SLC25A22: variants seen among roughly 807,000 people sequenced by gnomAD.
The protein encoded by SLC25A22 is solute carrier family 25 member 22, also known as mitochondrial glutamate carrier 1.
A neutral mutation model predicts 33.7 loss-of-function variants in SLC25A22; 23 were observed. That is an observed-to-expected ratio of 0.68 (90% CI 0.49 to 0.97). The LOEUF is 0.97. Among genes scored for constraint, SLC25A22 ranks in the 50% least tolerant of loss-of-function variants. The pLI, the probability that SLC25A22 is intolerant of heterozygous loss-of-function variation, is 0.00. For missense variants in SLC25A22, 390 were observed against 451.1 expected, an observed-to-expected ratio of 0.86 and a Z score of 1.23; for synonymous variants, 245 against 203.8, an observed-to-expected ratio of 1.20 and a Z score of -1.72.
At chr11:793,674 C>T (rs1270688461) in intron 4 of SLC25A22, 55 bp from the exon 5 acceptor site, 21 of 1,318,750 alleles carry the variant, frequency 1.6e-5, no homozygotes, top group Middle Eastern at 1.9e-4. Flanking sequence ...AGTGGGGAGG[C>T]GCTTGGCCAG....
Position 792,308 on chromosome 11 carries a change from A to G in SLC25A22, c.738T>C (p.Cys246=). The change falls in exon 8 of 10, where the codon TGT becomes TGC. Residue 246 remains cysteine (C), a synonymous_variant. Transcript: ENST00000628067. ...GSAAAVAVNP[C]DVVKTRLQSL... The stretch of plus-strand genomic sequence containing the variant: ...GGCGCCATCCCATGCACTGACCATC[A>G]CAGGGGTTGACGGCCACAGCGGCGG... 6.2e-7 allele frequency: 1 copy of G among 1,613,172 alleles called. No homozygotes were observed. Among genetic ancestry groups the G allele is most frequent in the South Asian group, 1.1e-5 (1 of 91,086 alleles).
chr11:797,508 G>C (rs911060986), intron 1 of SLC25A22: 1 of 397,572 alleles, frequency 2.5e-6, no homozygotes, highest in Non-Finnish European at 4.4e-6. Context: ...AGGCAAGCCA[G>C]GGAGACAGCA....
rs116134953 is a variant in SLC25A22, at chr11:794,509, C to T, written c.151G>A (p.Asp51Asn). Residue 51 changes from aspartate (D) to asparagine (N), a missense_variant, in exon 4 of 10, where the codon GAC becomes AAC. By Grantham distance (23) the Asp-to-Asn change is conservative (BLOSUM62 1). Transcript: ENST00000628067. The stretch of plus-strand genomic sequence containing the variant: ...GAGCGGACGGTCTTGATGAGGCAGT[C>T]GGACCTGTGGCCAAGGGGACAGGGT... ...NGQRVYTSMS[D>N]CLIKTVRSEG... The T allele has an allele frequency of 4.1e-4, 666 of 1,612,414 alleles. 1 individual carries two copies. The African/African-American group carries it at 7.3e-3, about 18-fold the overall frequency.
chr11:794,272 G>T, intron 4 of SLC25A22, 186 bp downstream of exon 4: 1 of 758,846 alleles, frequency 1.3e-6, no homozygotes, highest in Non-Finnish European at 2.3e-6. Context: ...CACGGGAGAG[G>T]CTGAGAACTA....
At position 791,317 on chromosome 11, in the gene SLC25A22, G is replaced by C. The variant is rs1864507099; in HGVS notation, c.*598C>G. The C allele has an allele frequency of 6.1e-6, 1 of 165,238 alleles. No homozygotes were observed. The highest frequency in any genetic ancestry group is 1.7e-4 in the South Asian group (1 of 5,822). The allele number at this position is 165,238 out of a possible 1,614,324, so 10.2% of individuals were successfully genotyped here. A position where few individuals can be genotyped will look rare whatever the true frequency, so the allele number is the denominator to read the frequency against. The stretch of plus-strand genomic sequence containing the variant: ...AAGTCCCACAGTGGGTGGCGGGCTT[G>C]CCCCAAGAGTCAGACCTCAGGGCAA... On this transcript the variant is annotated 3_prime_UTR_variant, in exon 10 of 10. Coordinates refer to ENST00000628067, the MANE Select transcript of SLC25A22 (RefSeq NM_001191061.2).
At chr11:796,332 C>T (rs1458345573) in intron 1 of SLC25A22, 2 of 152,056 alleles carry the variant, frequency 1.3e-5, no homozygotes, top group East Asian at 1.9e-4. Context: ...GGGGCACTTT[C>T]TCTTTCACTT....
chr11:796,263 GA>G (rs1484437635), intron 1 of SLC25A22: 1 of 151,738 alleles, frequency 6.6e-6, no homozygotes, highest in Non-Finnish European at 1.5e-5. Context: ...GCTGCCGGGG[GA>G]GGAGGCGAGG....
Position 795,173 on chromosome 11 carries a change from G to T in SLC25A22, c.-163-4C>A. The stretch of plus-strand genomic sequence containing the variant: ...GTCAGCAACCGCCACTTCTGTCCTA[G>T]AAGGATGAGGGAATGGGAATGAGTG... On this transcript the variant is annotated splice_polypyrimidine_tract_variant and splice_region_variant and intron_variant, in intron 1 of 9. Transcript: ENST00000628067. 1.2e-6 allele frequency: 1 copy of T among 818,614 alleles called. No homozygotes were observed. The highest frequency in any genetic ancestry group is 2.0e-6 in the Non-Finnish European group (1 of 495,322). 50.7% of individuals were successfully genotyped at this position (818,614 alleles called of 1,614,324 possible).
rs1864546889 is a variant in SLC25A22 at position 792,007 on chromosome 11, C to G, written c.880G>C (p.Val294Leu). 4.4e-6 allele frequency: 7 copies of G among 1,608,082 alleles called. No individual in the cohort carries two copies. Among genetic ancestry groups the G allele is most frequent in the Non-Finnish European group, 5.9e-6 (7 of 1,178,054 alleles). The change falls in exon 10 of 10, where the codon GTC (valine) becomes CTC (leucine). Residue 294 changes from valine to leucine, a missense_variant. Transcript: ENST00000628067. The part of the protein sequence containing the change: ...FLKGAYCRAL[V>L]IAPLFGIAQV... Reference sequence around the variant, plus strand: ...GCGATGCCGAAAAGGGGCGCGATGACCAGCGCGCGGCAGTAGGCGCCCTTC... The same window carrying G: ...GCGATGCCGAAAAGGGGCGCGATGAGCAGCGCGCGGCAGTAGGCGCCCTTC...
In SLC25A22 at chr11:792,696, G is replaced by T; in HGVS notation, c.444C>A (p.Gly148=). The T allele has an allele frequency of 1.3e-6, 2 of 1,551,528 alleles. No individual in the cohort carries two copies. The highest frequency in any genetic ancestry group is 2.3e-5 in the South Asian group (2 of 85,898). Residue 148 remains glycine (G), a synonymous_variant, in exon 7 of 10, where the codon GGC becomes GGA. Coordinates refer to ENST00000628067, the MANE Select transcript of SLC25A22 (RefSeq NM_001191061.2). The stretch of plus-strand genomic sequence containing the variant: ...GGGCACCCCCCTGGGCCGAGAGCTG[G>T]CCCTGGGCAGCCAGGATCTTCCTCT... ...AAQRKILAAQ[G]QLSAQGGAQP... is the part of the protein sequence containing the mutation.
rs769990082 is a variant in SLC25A22 at position 792,679 on chromosome 11, C to G, written c.461G>C (p.Gly154Ala). ...LAAQGQLSAQ[G>A]GAQPSVEAPA... is the part of the protein sequence containing the mutation. ...AGCCTCCACTGAGGGCTGGGCACCC[C>G]CCTGGGCCGAGAGCTGGCCCTGGGC... The change falls in exon 7 of 10, where the codon GGG becomes GCG. Residue 154 changes from glycine to alanine, a missense_variant. Coordinates refer to ENST00000628067, the MANE Select transcript of SLC25A22 (RefSeq NM_001191061.2). 9.0e-6 allele frequency: 14 copies of G among 1,559,432 alleles called. No individual in the cohort carries two copies. The highest frequency in any genetic ancestry group is 1.2e-5 in the Non-Finnish European group (14 of 1,155,486).
rs1864570695 is a variant in SLC25A22, at chr11:792,372, A to C, written c.674T>G (p.Phe225Cys). The C allele has an allele frequency of 1.2e-6, 2 of 1,613,218 alleles. No homozygotes were observed. Among genetic ancestry groups the C allele is most frequent in the South Asian group, 2.2e-5 (2 of 91,092 alleles). Residue 225 changes from phenylalanine (F) to cysteine (C), a missense_variant, in exon 8 of 10, where the codon TTC becomes TGC. Phe to Cys is a radical substitution (Grantham distance 205, BLOSUM62 -2). Coordinates refer to ENST00000628067, the MANE Select transcript of SLC25A22 (RefSeq NM_001191061.2). ...ACAGCCGGCCAGGAAGGACACGTAG[A>C]AAGGCGACTTCTCCTCGGACGCCGG... The part of the protein sequence containing the change: ...GRPASEEKSP[F>C]YVSFLAGCVA...
rs1864648097 is a variant in SLC25A22, at chr11:793,612, A to C, written c.210T>G (p.Ala70=). Residue 70 remains alanine, a synonymous_variant, in exon 5 of 10, where the codon GCT becomes GCG. Transcript: ENST00000628067. ...CGGGGGTGACGAGGGTCAAGTTCAC[A>C]GCAGCTCCTGTGGGGCAGGGGGTCA... ...EGYFGMYRGA[A]VNLTLVTPEK... 1.2e-6 allele frequency: 2 copies of C among 1,608,884 alleles called. No individual in the cohort carries two copies. The highest frequency in any genetic ancestry group is 3.3e-5 in the Admixed American group (2 of 60,008).
At chr11:793,842 C>T (rs1003961442) in intron 4 of SLC25A22, 2 of 595,230 alleles carry the variant, frequency 3.4e-6, no homozygotes, top group Non-Finnish European at 6.0e-6. Flanking sequence ...ACTGCAGCTC[C>T]ATCTGTCTCT....
At position 791,957 on chromosome 11, in the gene SLC25A22, G is replaced by C. The variant is rs765908991; in HGVS notation, c.930C>G (p.Ile310Met). The part of the protein sequence containing the change: ...GIAQVVYFLG[I>M]AESLLGLLQD... Reference sequence around the variant, plus strand: ...GCAGCAGCCCCAGCAGGGACTCCGCGATGCCCAGGAAGTAGACCACCTGTG... The same window carrying C: ...GCAGCAGCCCCAGCAGGGACTCCGCCATGCCCAGGAAGTAGACCACCTGTG... Residue 310 changes from isoleucine (I) to methionine (M), a missense_variant, in exon 10 of 10, where the codon ATC (isoleucine) becomes ATG (methionine). Transcript: ENST00000628067. The C allele has an allele frequency of 6.2e-7, 1 of 1,606,182 alleles. No individual in the cohort carries two copies.
chr11:791,802 T>C lies in SLC25A22; in HGVS notation c.*113A>G. On this transcript the variant is annotated 3_prime_UTR_variant, in exon 10 of 10. Transcript: ENST00000628067. Reference sequence around the variant, plus strand: ...CCTGCACCCTGCCCCCTGCTGCCCCTGCCGACGGGAGGGCTGGGGAGGGGT... The same window carrying C: ...CCTGCACCCTGCCCCCTGCTGCCCCCGCCGACGGGAGGGCTGGGGAGGGGT... 7.1e-7 allele frequency: 1 copy of C among 1,411,286 alleles called. No individual in the cohort carries two copies. Among genetic ancestry groups the C allele is most frequent in the Non-Finnish European group, 9.4e-7 (1 of 1,066,292 alleles). The allele number at this position is 1,411,286 out of a possible 1,614,324, so 87.4% of individuals were successfully genotyped here.
chr11:795,035 G>C lies in SLC25A22; in HGVS notation c.-29C>G, dbSNP rs776639940. Reference sequence around the variant, plus strand: ...ACTCGATTGCACCCAGGTAGGAGCCGCAGAGGTGGACGCCAGGCCAGGCGG... The same window carrying C: ...ACTCGATTGCACCCAGGTAGGAGCCCCAGAGGTGGACGCCAGGCCAGGCGG... On this transcript the variant is annotated 5_prime_UTR_variant, in exon 2 of 10. Transcript: ENST00000628067. 6 of 1,552,472 alleles carry C rather than the reference G, an allele frequency of 3.9e-6. No homozygotes were observed. The highest frequency in any genetic ancestry group is 5.2e-6 in the Non-Finnish European group (6 of 1,148,142).
At position 792,925 on chromosome 11, in the gene SLC25A22, G is replaced by C. The variant is rs748285057; in HGVS notation, c.357C>G (p.Ile119Met). 6.2e-7 allele frequency: 1 copy of C among 1,612,936 alleles called. No individual in the cohort carries two copies. Among genetic ancestry groups the C allele is most frequent in the Non-Finnish European group, 8.5e-7 (1 of 1,179,860 alleles). The change falls in exon 6 of 10, where the codon ATC becomes ATG. Residue 119 changes from isoleucine to methionine, a missense_variant. Coordinates refer to ENST00000628067, the MANE Select transcript of SLC25A22 (RefSeq NM_001191061.2). ...TCAGCATCTCCATGGGCGTGGTCAC[G>C]ATCACCTGGCAGGTGCCAGCCCCAC... Reference protein sequence around the residue: ...AGCGAGTCQVIVTTPMEMLKI... With the variant: ...AGCGAGTCQVMVTTPMEMLKI...
chr11:796,923 C>T, intron 1 of SLC25A22, among the ~76,000 whole-genome samples: 1 of 152,172 alleles, frequency 6.6e-6, no homozygotes, highest in East Asian at 1.9e-4. Context: ...TGAACTTCTA[C>T]CTGATCCCTC....
Sources: gnomAD v4.1 joint callset for allele counts (sites outside exome capture counted in the v4.1 genomes callset) on GRCh38, gnomAD v4.1.1 for gene constraint, MANE v1.5 for transcripts, NCBI Gene and HGNC (gene_info 2026-07-23, HGNC 2026-07-21) for gene names.